The following SEC14L1 variants were observed in gnomAD, a reference collection of about 807,000 sequenced individuals.
SEC14L1 encodes SEC14 like lipid binding 1.
A neutral mutation model predicts 85.3 loss-of-function variants in SEC14L1; 48 were observed. The ratio of observed to expected loss-of-function variants is 0.56; its 90% confidence interval spans 0.45 to 0.72. The LOEUF is 0.72. Ranked by LOEUF, SEC14L1 falls within the 30% of genes least tolerant of loss-of-function variation. The pLI is 0.00. For synonymous variants in SEC14L1, 391 were observed against 355.5 expected (o/e 1.10, Z -1.12); for missense variants, 682 against 921.4 (o/e 0.74, Z 3.36).
At chr17:77,212,447 G>A (rs2065743490) in intron 15 of SEC14L1, among the ~76,000 whole-genome samples, 1 of 152,156 alleles carries the variant, frequency 6.6e-6, no homozygotes, top group African/African-American at 2.4e-5. Flanking sequence ...GACAGGAAGG[G>A]AAGGCATCGC....
chr17:77,108,337 G>A (rs1180898966), intron 3 of SEC14L1, among the ~76,000 whole-genome samples: 1 of 152,196 alleles, frequency 6.6e-6, no homozygotes, highest in Non-Finnish European at 1.5e-5. Context: ...CCTGGGTCCA[G>A]TGTGTCTCCT....
At chr17:77,168,332 T>C (rs1974375496) in intron 3 of SEC14L1, among the ~76,000 whole-genome samples, 1 of 152,234 alleles carries the variant, frequency 6.6e-6, no homozygotes, top group African/African-American at 2.4e-5. Context: ...GATTTGGCTC[T>C]GCTGTTCTTC....
intron 3 of SEC14L1, among the ~76,000 whole-genome samples, chr17:77,112,631 A>AGGC (rs1972072510): frequency 6.6e-6 from 1 of 152,190 alleles, no homozygotes; most frequent in African/African-American, 2.4e-5. Context: ...CACACCTGTA[A>AGGC]TCCCAGCACT....
At chr17:77,193,368 A>G in intron 5 of SEC14L1, 53 bp from the exon 6 acceptor site, 1 of 1,527,402 alleles carries the variant, frequency 6.5e-7, no homozygotes. Flanking sequence ...GAGCAGGCAG[A>G]TGATATTCTG....
intron 3 of SEC14L1, among the ~76,000 whole-genome samples, chr17:77,112,396 C>G (rs1297483781): frequency 6.7e-6 from 1 of 150,010 alleles, no homozygotes; most frequent in Non-Finnish European, 1.5e-5. Flanking sequence ...GTAGGATTTC[C>G]CTTAATCCTT....
intron 13 of SEC14L1, among the ~76,000 whole-genome samples, chr17:77,207,160 TA>T (rs1312849861): frequency 6.6e-6 from 1 of 152,252 alleles, no homozygotes; most frequent in Admixed American, 6.5e-5. Context: ...TAAACAATTT[TA>T]GAGGAGCTGT....
At chr17:77,139,160 ATTTTT>A (rs749541191), upstream of SEC14L1, among the ~76,000 whole-genome samples, 23 of 120,138 alleles carry the variant, frequency 1.9e-4, no homozygotes, top group East Asian at 7.2e-4. Context: ...GGTCAGGTGA[ATTTTT>A]TTTTTTTTTT....
chr17:77,147,023 T>C (rs1412376084), intron 3 of SEC14L1, among the ~76,000 whole-genome samples: 2 of 152,182 alleles, frequency 1.3e-5, no homozygotes, highest in Non-Finnish European at 2.9e-5. Context: ...AACGGAACCG[T>C]AGCTTCCGCC....
At chr17:77,088,694 C>CA (rs2143249624), upstream of SEC14L1, 1 of 152,342 alleles carries the variant, frequency 6.6e-6, no homozygotes, top group South Asian at 2.1e-4. Flanking sequence ...TAAGTGGAGA[C>CA]ACGTGCTTTG....
In SEC14L1 at chr17:77,118,575, C is replaced by T. The variant is rs554036663; in HGVS notation, c.-135-24071C>T. On this transcript the variant is annotated intron_variant, in intron 3 of 19. Transcript: ENST00000392476. ...TTATGTAATATTCCAGATGCTGCCA[C>T]GTCCAATGTACGGAGCACTCCAGTT... Among the ~76,000 whole-genome samples, 14 of 152,334 alleles carry T rather than the reference C, an allele frequency of 9.2e-5. 1 individual carries two copies. In the South Asian group the frequency reaches 2.3e-3, roughly 25 times the overall value.
At chr17:77,209,244 GA>G in intron 13 of SEC14L1, 97 bp from the exon 14 acceptor site, 1 of 1,432,920 alleles carries the variant, frequency 7.0e-7, no homozygotes, top group East Asian at 2.3e-5. Context: ...GCAACCTCCA[GA>G]AGTTGAGTGC....
At chr17:77,095,816 C>CA (rs11319971) in intron 3 of SEC14L1, among the ~76,000 whole-genome samples, 18 of 149,260 alleles carry the variant, frequency 1.2e-4, no homozygotes, top group South Asian at 4.3e-4. Flanking sequence ...GACTTTGTCT[C>CA]AAAAAAAAAA....
intron 3 of SEC14L1, among the ~76,000 whole-genome samples, chr17:77,176,944 C>G (rs1439541108): frequency 6.6e-6 from 1 of 152,102 alleles, no homozygotes; most frequent in East Asian, 1.9e-4. Flanking sequence ...TTGTACATGT[C>G]TTTGGATTTT....
At chr17:77,146,771 A>G (rs908951832) in intron 3 of SEC14L1, among the ~76,000 whole-genome samples, 11 of 152,166 alleles carry the variant, frequency 7.2e-5, no homozygotes, top group African/African-American at 2.4e-4. Flanking sequence ...TAAAGAAAAC[A>G]TTTTTAAATC....
intron 3 of SEC14L1, among the ~76,000 whole-genome samples, chr17:77,171,139 T>C (rs144876364): frequency 6.6e-6 from 1 of 152,304 alleles, no homozygotes; most frequent in Non-Finnish European, 1.5e-5. Flanking sequence ...ATTATACAAC[T>C]ATCCACAATT....
At chr17:77,161,232 A>G (rs1281506084) in intron 3 of SEC14L1, among the ~76,000 whole-genome samples, 1 of 152,262 alleles carries the variant, frequency 6.6e-6, no homozygotes, top group Non-Finnish European at 1.5e-5. Flanking sequence ...CACGCCTATA[A>G]TCCCAGTCCT....
Position 77,215,565 on chromosome 17 carries a change from G to GC in SEC14L1, c.*1545dup. The GC allele has an allele frequency of 1.0e-6, 1 of 986,692 alleles. No individual in the cohort carries two copies. The highest frequency in any genetic ancestry group is 1.2e-6 in the Non-Finnish European group (1 of 830,484). The allele number at this position is 986,692 out of a possible 1,614,324, so 61.1% of individuals were successfully genotyped here. Reference sequence around the variant, plus strand: ...GGGGGAGGGACCGAGCAGCCCTCTTGCCCGGTCGGGTCAGCCCTAGTGGCT... The same window carrying GC: ...GGGGGAGGGACCGAGCAGCCCTCTTGCCCCGGTCGGGTCAGCCCTAGTGGCT... On this transcript the variant is annotated 3_prime_UTR_variant, in exon 17 of 17. Coordinates refer to ENST00000436233, the MANE Select transcript of SEC14L1 (RefSeq NM_001143998.2).
chr17:77,186,434 C>T (rs1975270294), intron 3 of SEC14L1, among the ~76,000 whole-genome samples: 2 of 152,238 alleles, frequency 1.3e-5, no homozygotes, highest in South Asian at 4.1e-4. Flanking sequence ...CACGCTGCCT[C>T]TCCACGCAGA....
At chr17:77,202,642 C>T (rs995386036) in intron 9 of SEC14L1, among the ~76,000 whole-genome samples, 3 of 150,868 alleles carry the variant, frequency 2.0e-5, no homozygotes, top group African/African-American at 7.3e-5. Context: ...AAAGGAGGCC[C>T]AGCACAGTGG....
Sources: allele counts gnomAD v4.1 joint callset (sites outside exome capture counted in the v4.1 genomes callset), GRCh38; gene constraint gnomAD v4.1.1; transcripts MANE v1.5; gene names NCBI Gene and HGNC (gene_info 2026-07-23, HGNC 2026-07-21).